Variants in ERI1 observed in about 807,000 individuals in gnomAD.
The protein encoded by ERI1 is exoribonuclease 1, also known as 3'-5' exoribonuclease 1.
In ERI1, 39 loss-of-function variants were observed where a neutral mutation model predicts 39.7. That is an observed-to-expected ratio of 0.98 (90% CI 0.76 to 1.28). ERI1 has a LOEUF of 1.28. ERI1 is among the 50% of genes most tolerant of loss of function. The probability of loss-of-function intolerance (pLI) is 0.00; values close to 1 mark genes in which losing one functional copy is unlikely to be tolerated. For synonymous variants in ERI1, 204 were observed against 149.6 expected (o/e 1.36, Z -2.65); for missense variants, 581 against 416.9 (o/e 1.39, Z -3.43).
chr8:9,063,259 T>A (rs1305478197), intron 3 of ERI1, among the ~76,000 whole-genome samples: 1 of 152,194 alleles, frequency 6.6e-6, no homozygotes, highest in Non-Finnish European at 1.5e-5. Context: ...GGCCATGAAC[T>A]GGGCTGGGTT....
intron 3 of ERI1, among the ~76,000 whole-genome samples, chr8:9,071,313 C>G (rs1799043060): frequency 6.6e-6 from 1 of 152,130 alleles, no homozygotes; most frequent in African/African-American, 2.4e-5. Flanking sequence ...AATACTTTTC[C>G]TTTTCTGGAA....
chr8:9,073,565 T>C (rs79697162), intron 3 of ERI1, among the ~76,000 whole-genome samples: 1,708 of 152,336 alleles, frequency 0.011, 36 homozygotes, highest in African/African-American at 0.039. Context: ...AAATATTGTT[T>C]TGAAGAGGCA....
intron 3 of ERI1, among the ~76,000 whole-genome samples, chr8:9,063,521 A>G (rs530565183): frequency 4.6e-5 from 7 of 151,990 alleles, no homozygotes; most frequent in East Asian, 1.9e-4. Flanking sequence ...TCGGCCTGGC[A>G]AGGAGGGGAG....
chr8:9,047,104 C>T (rs151308250), intron 3 of ERI1, among the ~76,000 whole-genome samples: 4 of 152,348 alleles, frequency 2.6e-5, no homozygotes, highest in African/African-American at 7.2e-5. Flanking sequence ...CCAGAAGGAG[C>T]ACTCCTTGCC....
At position 9,020,352 on chromosome 8, in the gene ERI1, C is replaced by T. The variant is rs35398065; in HGVS notation, c.695C>T (p.Ser232Phe). ...TTTTGTCCTTTTTTAATTTATAGTT[C>T]TTGGGATATGAGTAAGTTCTTGAAC... ...KYKYSLLTDG[S>F]WDMSKFLNIQ... Residue 232 changes from serine (S) to phenylalanine (F), a missense_variant and splice_region_variant, in exon 6 of 7, where the codon TCT becomes TTT. Physicochemically the swap from Ser to Phe is radical, Grantham distance 155 (BLOSUM62 -2). Coordinates refer to ENST00000250263, the MANE Select transcript of ERI1 (RefSeq NM_153332.4). The T allele has an allele frequency of 4.5e-6, 7 of 1,555,764 alleles. No individual in the cohort carries two copies. The highest frequency in any genetic ancestry group is 5.2e-6 in the Non-Finnish European group (6 of 1,153,870).
chr8:9,037,499 G>T (rs2921382), downstream of ERI1, among the ~76,000 whole-genome samples: 2,453 of 144,430 alleles, frequency 0.017, 33 homozygotes, highest in Non-Finnish European at 0.026. Flanking sequence ...GTATTGTTGG[G>T]TTTTTTTTTT....
At chr8:9,094,268 C>G (rs542893743) in intron 3 of ERI1, among the ~76,000 whole-genome samples, 1 of 152,244 alleles carries the variant, frequency 6.6e-6, no homozygotes, top group South Asian at 2.1e-4. Flanking sequence ...ACTCTCAGGA[C>G]AAATCCAAGC....
intron 2 of ERI1, chr8:9,009,129 C>T (rs988769656): frequency 3.3e-5 from 15 of 455,290 alleles, no homozygotes; most frequent in Non-Finnish European, 6.2e-5. Context: ...TGGGAGCTAG[C>T]GATCTAGATG....
intron 6 of ERI1, among the ~76,000 whole-genome samples, chr8:9,028,376 G>A (rs1002158580): frequency 3.9e-5 from 6 of 152,210 alleles, no homozygotes; most frequent in Middle Eastern, 3.4e-3. Context: ...TTAGAAGTGC[G>A]TTTTCCAAGT....
intron 3 of ERI1, chr8:9,062,889 G>C (rs537136094): frequency 6.6e-6 from 1 of 152,168 alleles, no homozygotes; most frequent in East Asian, 2.0e-4. Flanking sequence ...CCAGATTTCT[G>C]GCACTTGTAG....
chr8:9,058,754 A>T lies in ERI1; in HGVS notation n.299+38290A>T, dbSNP rs76968029. 2.4e-4 allele frequency among the ~76,000 whole-genome samples: 36 copies of T among 152,318 alleles called. No individual in the cohort carries two copies. The East Asian group carries it at 6.6e-3, about 28-fold the overall frequency. On this transcript the variant is annotated intron_variant and non_coding_transcript_variant, in intron 3 of 3. Transcript: ENST00000518663. ...GTTGTTAGAACAACTCAGCAAAATA[A>T]AATTCCATTTCATCGTTGGACAACA...
chr8:9,012,445 C>G (rs983402064), intron 3 of ERI1, among the ~76,000 whole-genome samples: 10 of 152,168 alleles, frequency 6.6e-5, no homozygotes, highest in African/African-American at 2.4e-4. Flanking sequence ...CTGTGATATC[C>G]TCAGTTGCTA....
At chr8:9,004,018 G>A (rs1815675495) in intron 1 of ERI1, 3 of 1,205,036 alleles carry the variant, frequency 2.5e-6, no homozygotes. Context: ...GCGGGGTCGG[G>A]TGCCTGCCTC....
intron 3 of ERI1, among the ~76,000 whole-genome samples, chr8:9,099,616 G>A (rs61472509): frequency 0.036 from 5,117 of 141,662 alleles, 268 homozygotes; most frequent in African/African-American, 0.12. Context: ...AAAAAAAAAA[G>A]AAAGAAACAG....
Position 9,061,808 on chromosome 8 carries a change from T to C in ERI1, n.299+41344T>C, listed in dbSNP as rs575897635. Among the ~76,000 whole-genome samples the C allele has an allele frequency of 4.0e-5, 6 of 149,866 alleles. No individual in the cohort carries two copies. In the South Asian group the frequency reaches 1.3e-3, roughly 32 times the overall value. On this transcript the variant is annotated intron_variant and non_coding_transcript_variant, in intron 3 of 3. Coordinates refer to the ERI1 transcript ENST00000518663. ...AGTAATGGGTGCTGTCCGTGAAGTT[T>C]TGCAGCAGTATAGCCCAGGTAATTT...
In ERI1 at chr8:9,004,191, C is replaced by G. The variant is rs113348822; in HGVS notation, c.108+1020C>G. 9.7e-3 allele frequency: 12,523 copies of G among 1,286,280 alleles called. 376 individuals carry two copies. The highest frequency in any genetic ancestry group is 0.077 in the South Asian group (6,233 of 80,774). The allele number at this position is 1,286,280 out of a possible 1,614,324, so 79.7% of individuals were successfully genotyped here. A position where few individuals can be genotyped will look rare whatever the true frequency, so the allele number is the denominator to read the frequency against. ...GATCCTTGCAATTATCTTTCTCCTT[C>G]TAAGGTTGTTATTTCAAAGAGTACT... On this transcript the variant is annotated intron_variant, in intron 1 of 6. Transcript: ENST00000250263.
intron 6 of ERI1, among the ~76,000 whole-genome samples, chr8:9,022,148 GC>G (rs1241597851): frequency 6.6e-6 from 1 of 151,900 alleles, no homozygotes; most frequent in Non-Finnish European, 1.5e-5. Context: ...GTAAGTTTTT[GC>G]TAGCATCTGA....
chr8:9,054,843 G>C (rs930904463), intron 3 of ERI1, among the ~76,000 whole-genome samples: 1 of 152,214 alleles, frequency 6.6e-6, no homozygotes, highest in African/African-American at 2.4e-5. Flanking sequence ...CAGGAGACTC[G>C]GTTGAACCCA....
chr8:9,014,407 A>AC (rs1011539482), intron 3 of ERI1, among the ~76,000 whole-genome samples: 15 of 151,670 alleles, frequency 9.9e-5, no homozygotes, highest in Non-Finnish European at 1.6e-4. Context: ...CATGTTTCTG[A>AC]CCCCCCTTAC....
Sources: gnomAD v4.1 joint callset for allele counts (sites outside exome capture counted in the v4.1 genomes callset) on GRCh38, gnomAD v4.1.1 for gene constraint, MANE v1.5 for transcripts, NCBI Gene and HGNC (gene_info 2026-07-23, HGNC 2026-07-21) for gene names.